Variants in FAM118B observed in about 807,000 individuals in gnomAD.
FAM118B encodes protein FAM118B.
In FAM118B, 24 loss-of-function variants were observed where a neutral mutation model predicts 38.5. The ratio of observed to expected loss-of-function variants is 0.62; its 90% CI spans 0.45 to 0.88. FAM118B has a LOEUF of 0.88. Ranked by LOEUF, FAM118B falls within the 40% of genes least tolerant of loss-of-function variation. FAM118B has a pLI of 0.00. For synonymous variants in FAM118B, 138 were observed against 156.3 expected (o/e 0.88, Z 0.87); for missense variants, 334 against 420.0 (o/e 0.80, Z 1.79).
At chr11:126,229,989 G>T (rs1361127822) in intron 2 of FAM118B, among the ~76,000 whole-genome samples, 1 of 152,216 alleles carries the variant, frequency 6.6e-6, no homozygotes, top group Non-Finnish European at 1.5e-5. Flanking sequence ...GGAAATGAGT[G>T]TGATACAGAT....
In FAM118B at chr11:126,244,388, G is replaced by A. The variant is rs778161436; in HGVS notation, c.339+3344G>A. 9.9e-5 allele frequency among the ~76,000 whole-genome samples: 15 copies of A among 152,134 alleles called. No individual in the cohort carries two copies. Among genetic ancestry groups the A allele is most frequent in the East Asian group, 1.9e-4 (1 of 5,198 alleles). On this transcript the variant is annotated intron_variant, in intron 4 of 8. Transcript: ENST00000533050. This position sits in a 1 kb window ranked among gnomAD's most constrained non-coding sequence, Gnocchi z 4.5. ...CAAGCTTAGCAAGGTTGGAGAATCC[G>A]GGATCAATATATAAAAATAGTATTT...
chr11:126,228,542 CTTGTCAATTTTTCGTTTG>C (rs1277857163), intron 1 of FAM118B, among the ~76,000 whole-genome samples: 1 of 151,198 alleles, frequency 6.6e-6, no homozygotes, highest in Non-Finnish European at 1.5e-5. Flanking sequence ...TTCATTAAGA[CTTGTCAATTTTTCGTTTG>C]TTTGTTTGTT....
intron 1 of FAM118B, among the ~76,000 whole-genome samples, chr11:126,218,406 C>G (rs1480031894): frequency 1.3e-5 from 2 of 152,256 alleles, no homozygotes; most frequent in East Asian, 3.9e-4. Context: ...AAGTGCAGAC[C>G]CCCATCTCAC....
intron 1 of FAM118B, among the ~76,000 whole-genome samples, chr11:126,216,363 G>A (rs1382471481): frequency 6.6e-6 from 1 of 151,896 alleles, no homozygotes; most frequent in Non-Finnish European, 1.5e-5. Context: ...GTGACAGAGC[G>A]AGACTCTGTC....
intron 3 of FAM118B, among the ~76,000 whole-genome samples, chr11:126,238,357 T>G (rs975994632): frequency 4.6e-5 from 7 of 151,906 alleles, no homozygotes; most frequent in African/African-American, 1.7e-4. Context: ...TTGGAGAATC[T>G]GTGTGTACAT....
At chr11:126,236,876 T>A (rs1398297084) in intron 3 of FAM118B, among the ~76,000 whole-genome samples, 1 of 151,722 alleles carries the variant, frequency 6.6e-6, no homozygotes, top group African/African-American at 2.4e-5. Flanking sequence ...TCTTTTTGTT[T>A]GTTCATTTTT....
At chr11:126,241,725 T>G (rs1401915527) in intron 4 of FAM118B, among the ~76,000 whole-genome samples, 1 of 152,114 alleles carries the variant, frequency 6.6e-6, no homozygotes, top group African/African-American at 2.4e-5. Flanking sequence ...AATTTTTGTA[T>G]TTTTAGTAGA....
Position 126,256,717 on chromosome 11 carries a change from G to A in FAM118B, c.847G>A (p.Val283Ile), listed in dbSNP as rs568632862. The A allele has an allele frequency of 1.2e-5, 20 of 1,614,166 alleles. No individual in the cohort carries two copies. The highest frequency in any genetic ancestry group is 2.2e-5 in the South Asian group (2 of 91,078). The change falls in exon 7 of 9, where the codon GTA (valine) becomes ATA (isoleucine). Residue 283 changes from valine (V) to isoleucine (I), a missense_variant. Coordinates refer to ENST00000533050, the MANE Select transcript of FAM118B (RefSeq NM_024556.4). This position sits in a 1 kb window ranked among gnomAD's most constrained non-coding sequence, Gnocchi z 6.6. The part of the protein sequence containing the change: ...EHFMLVRRGD[V>I]DEFKKLRENM... Reference sequence around the variant, plus strand: ...TTTCATGCTGGTTCGGAGAGGAGACGTAGATGAGTTCAAAAAGCTTCGAGA... The same window carrying A: ...TTTCATGCTGGTTCGGAGAGGAGACATAGATGAGTTCAAAAAGCTTCGAGA...
At position 126,252,044 on chromosome 11, in the gene FAM118B, T is replaced by C. The variant is rs1289220614; in HGVS notation, c.567+1311T>C. ...TCTTGTCGCCCAGGCTGAAGTGCAA[T>C]GGCATGATCTCAGCTCACTGCAACC... On this transcript the variant is annotated intron_variant, in intron 5 of 8. Coordinates refer to ENST00000533050, the MANE Select transcript of FAM118B (RefSeq NM_024556.4). The surrounding 1 kb of genome is among the most constrained non-coding windows in gnomAD (Gnocchi z 4.7). Among the ~76,000 whole-genome samples, 1 of 151,950 alleles carries C rather than the reference T, an allele frequency of 6.6e-6. No homozygotes were observed. Among genetic ancestry groups the C allele is most frequent in the Non-Finnish European group, 1.5e-5 (1 of 68,006 alleles).
intron 5 of FAM118B, 49 bp from the exon 6 acceptor site, chr11:126,254,251 TTAAAC>T: frequency 6.3e-7 from 1 of 1,588,204 alleles, no homozygotes; most frequent in Non-Finnish European, 8.6e-7. Flanking sequence ...ATTGTGACCT[TTAAAC>T]AGGTGCTCAG....
intron 4 of FAM118B, among the ~76,000 whole-genome samples, chr11:126,243,351 C>T (rs911365881): frequency 2.6e-5 from 4 of 151,560 alleles, no homozygotes; most frequent in East Asian, 2.0e-4. Context: ...GTAAGCCCAA[C>T]GCTTTGGAAG....
Position 126,261,452 on chromosome 11 carries a change from A to AT in FAM118B, c.1011dup (p.Gly338TrpfsTer8). 6.2e-7 allele frequency: 1 copy of AT among 1,614,062 alleles called. No individual in the cohort carries two copies. Among genetic ancestry groups the AT allele is most frequent in the Middle Eastern group, 1.6e-4 (1 of 6,062 alleles). On this transcript the variant is annotated frameshift_variant, in exon 8 of 9. Transcript: ENST00000533050. LOFTEE classifies it high-confidence loss of function. Reference sequence around the variant, plus strand: ...GGGATGGTGAGAGAAGGTCAGCTAAATGGCTCATCTGCAGCACACAGTGAA... The same window carrying AT: ...GGGATGGTGAGAGAAGGTCAGCTAAATTGGCTCATCTGCAGCACACAGTGAA...
At chr11:126,219,443 A>T (rs1950033310) in intron 1 of FAM118B, among the ~76,000 whole-genome samples, 2 of 124,948 alleles carry the variant, frequency 1.6e-5, no homozygotes, top group African/African-American at 6.1e-5. Flanking sequence ...GACTCACTGC[A>T]GCCTCGACCT....
chr11:126,222,425 C>T (rs1322295613), intron 1 of FAM118B, among the ~76,000 whole-genome samples: 5 of 152,214 alleles, frequency 3.3e-5, no homozygotes, highest in African/African-American at 9.6e-5. Flanking sequence ...AGAATATAAT[C>T]ATGGCCAGGC....
intron 1 of FAM118B, among the ~76,000 whole-genome samples, chr11:126,219,601 A>G (rs1160682387): frequency 1.3e-5 from 2 of 151,848 alleles, no homozygotes; most frequent in Non-Finnish European, 2.9e-5. Flanking sequence ...AACAGAGTAC[A>G]TAAGAAACAC....
At position 126,254,519 on chromosome 11, in the gene FAM118B, T is replaced by A. The variant is rs1950548617; in HGVS notation, c.696+86T>A. The A allele has an allele frequency of 3.3e-6, 5 of 1,536,608 alleles. No homozygotes were observed. The African/African-American group carries it at 4.1e-5, about 13-fold the overall frequency. ...GCCATAGATCTTAAAGGGGAACATCTTCTTTTCATTAAGTGAAAACGGAAG... is the reference window on the plus strand; with the variant it reads ...GCCATAGATCTTAAAGGGGAACATCATCTTTTCATTAAGTGAAAACGGAAG... On this transcript the variant is annotated intron_variant, in intron 6 of 8. Coordinates refer to ENST00000533050, the MANE Select transcript of FAM118B (RefSeq NM_024556.4).
chr11:126,241,820 G>T (rs962287698), intron 4 of FAM118B, among the ~76,000 whole-genome samples: 2 of 152,066 alleles, frequency 1.3e-5, no homozygotes, highest in African/African-American at 2.4e-5. Flanking sequence ...AAAGTGCTGG[G>T]ATTATAGGCA....
chr11:126,259,233 ATTTTGTT>A (rs1447268733), intron 7 of FAM118B, among the ~76,000 whole-genome samples: 4 of 152,056 alleles, frequency 2.6e-5, no homozygotes, highest in Non-Finnish European at 2.9e-5. Context: ...TTTTGCTGTT[ATTTTGTT>A]TTTTAACACT....
At chr11:126,215,053 TAGC>T (rs1949960928) in intron 1 of FAM118B, among the ~76,000 whole-genome samples, 1 of 152,152 alleles carries the variant, frequency 6.6e-6, no homozygotes, top group African/African-American at 2.4e-5. Context: ...AGGAGGCAAT[TAGC>T]AGGAACTCTT....
Sources: allele counts gnomAD v4.1 joint callset (sites outside exome capture counted in the v4.1 genomes callset), GRCh38; gene constraint gnomAD v4.1.1; non-coding constraint Gnocchi (gnomAD v3.1); transcripts MANE v1.5; gene names NCBI Gene and HGNC (gene_info 2026-07-23, HGNC 2026-07-21).